Variants in CSGALNACT1 observed in about 807,000 individuals in gnomAD.
CSGALNACT1 encodes the protein beta4GalNAcT-1.
In CSGALNACT1, 52 loss-of-function variants were observed where a neutral mutation model predicts 51.0. That is an observed-to-expected ratio of 1.02 (90% confidence interval 0.82 to 1.29). The LOEUF (loss-of-function observed/expected upper bound fraction) is 1.29, where lower values mean the gene tolerates loss of function less well. CSGALNACT1 is among the 50% of genes most tolerant of loss of function. The probability of loss-of-function intolerance (pLI) is 0.00; values close to 1 mark genes in which losing one functional copy is unlikely to be tolerated. For synonymous variants in CSGALNACT1, 341 were observed against 254.4 expected (o/e 1.34, Z -3.24); for missense variants, 935 against 679.2 (o/e 1.38, Z -4.19).
chr8:19,610,798 G>A (rs1210160347), intron 1 of CSGALNACT1, among the ~76,000 whole-genome samples: 1 of 152,244 alleles, frequency 6.6e-6, no homozygotes, highest in South Asian at 2.1e-4. Context: ...ACCAAGGCAA[G>A]AAACCGGGAT....
At chr8:19,672,091 C>A (rs1312207677) in intron 1 of CSGALNACT1, among the ~76,000 whole-genome samples, 1 of 152,174 alleles carries the variant, frequency 6.6e-6, no homozygotes, top group East Asian at 1.9e-4. Context: ...TATACTTGAG[C>A]TGCATAGGGC....
chr8:19,737,240 A>C (rs1036092719), intron 1 of CSGALNACT1, among the ~76,000 whole-genome samples: 6 of 152,154 alleles, frequency 3.9e-5, no homozygotes, highest in Non-Finnish European at 5.9e-5. Flanking sequence ...AGAACTTCTA[A>C]ATAATGTATT....
intron 6 of CSGALNACT1, among the ~76,000 whole-genome samples, chr8:19,433,908 T>G (rs963572903): frequency 6.6e-6 from 1 of 152,226 alleles, no homozygotes; most frequent in African/African-American, 2.4e-5. Flanking sequence ...TTTAAATATC[T>G]CCAACCCCAT....
intron 1 of CSGALNACT1, among the ~76,000 whole-genome samples, chr8:19,733,140 G>C (rs1358128827): frequency 3.3e-5 from 5 of 152,166 alleles, no homozygotes; most frequent in African/African-American, 1.2e-4. Flanking sequence ...AGAACAATCA[G>C]TATCAATGTA....
At chr8:19,707,396 G>C (rs2062233452) in intron 1 of CSGALNACT1, among the ~76,000 whole-genome samples, 3 of 152,274 alleles carry the variant, frequency 2.0e-5, no homozygotes, top group Admixed American at 2.0e-4. Flanking sequence ...GAATAGAACT[G>C]CATGTAAATA....
chr8:19,497,357 C>A (rs2075673262), intron 4 of CSGALNACT1, among the ~76,000 whole-genome samples: 1 of 152,078 alleles, frequency 6.6e-6, no homozygotes, highest in South Asian at 2.1e-4. Context: ...AACCTCTACC[C>A]CAAACACAAG....
At chr8:19,667,576 A>C (rs1473945403) in intron 1 of CSGALNACT1, among the ~76,000 whole-genome samples, 6 of 152,230 alleles carry the variant, frequency 3.9e-5, no homozygotes, top group Non-Finnish European at 8.8e-5. Context: ...CTTTGAACCA[A>C]GGCTGATGAA....
intron 3 of CSGALNACT1, among the ~76,000 whole-genome samples, chr8:19,517,590 G>C (rs1194726484): frequency 1.3e-5 from 2 of 152,150 alleles, no homozygotes; most frequent in African/African-American, 4.8e-5. Context: ...AAGAAAAAGA[G>C]GCTTAATGGA....
chr8:19,636,245 A>T (rs2056048137), intron 1 of CSGALNACT1, among the ~76,000 whole-genome samples: 1 of 152,210 alleles, frequency 6.6e-6, no homozygotes, highest in African/African-American at 2.4e-5. Context: ...GTATATTGTT[A>T]TAACTATTCC....
chr8:19,522,198 T>C (rs532550385), intron 3 of CSGALNACT1, among the ~76,000 whole-genome samples: 6 of 152,120 alleles, frequency 3.9e-5, no homozygotes, highest in Non-Finnish European at 5.9e-5. Flanking sequence ...ACCGTATTAG[T>C]GAGAGAAATG....
intron 6 of CSGALNACT1, among the ~76,000 whole-genome samples, chr8:19,431,905 T>C (rs895579206): frequency 2.0e-5 from 3 of 152,146 alleles, no homozygotes; most frequent in African/African-American, 7.2e-5. Context: ...TGTGCTGTTA[T>C]TGTATTAATA....
chr8:19,566,716 G>A (rs2041972352), intron 3 of CSGALNACT1, among the ~76,000 whole-genome samples: 3 of 152,124 alleles, frequency 2.0e-5, no homozygotes, highest in Admixed American at 2.0e-4. Flanking sequence ...TGATGTCTCT[G>A]TAAGGGAGTT....
chr8:19,506,112 G>T lies in CSGALNACT1; in HGVS notation c.-278C>A, dbSNP rs767798685. ...CCCATCACAGCCTTCCTGATGTGCA[G>T]CCAACAGCAAGAGGGGACCTGGGAA... On this transcript the variant is annotated 5_prime_UTR_variant, in exon 4 of 10. It adds an upstream start codon to the 5' untranslated region. Coordinates refer to ENST00000454498, the Ensembl canonical transcript of CSGALNACT1. 9.5e-6 allele frequency: 6 copies of T among 631,150 alleles called. No individual in the cohort carries two copies. Among genetic ancestry groups the T allele is most frequent in the South Asian group, 9.1e-5 (6 of 66,072 alleles). The allele number at this position is 631,150 out of a possible 1,614,324, so 39.1% of individuals were successfully genotyped here.
At position 19,733,154 on chromosome 8, in the gene CSGALNACT1, A is replaced by G. The variant is rs141881937; in HGVS notation, c.-297+24696T>C. Among the ~76,000 whole-genome samples, 16 of 152,330 alleles carry G rather than the reference A, an allele frequency of 1.1e-4. No homozygotes were observed. The East Asian group carries it at 2.9e-3, about 28-fold the overall frequency. On this transcript the variant is annotated intron_variant, in intron 1 of 1. Transcript: ENST00000517494. Reference sequence around the variant, plus strand: ...AAGAACAATCAGTATCAATGTAACAAAATATTGTTTTCTGTTTCTTTTGTT... The same window carrying G: ...AAGAACAATCAGTATCAATGTAACAGAATATTGTTTTCTGTTTCTTTTGTT...
At chr8:19,590,273 G>A (rs2047522645) in intron 3 of CSGALNACT1, among the ~76,000 whole-genome samples, 1 of 152,202 alleles carries the variant, frequency 6.6e-6, no homozygotes, top group Non-Finnish European at 1.5e-5. Flanking sequence ...AGGCATCAAA[G>A]GGAATTCACA....
intron 5 of CSGALNACT1, among the ~76,000 whole-genome samples, chr8:19,448,767 C>T (rs1156934283): frequency 6.6e-6 from 1 of 152,168 alleles, no homozygotes; most frequent in Admixed American, 6.5e-5. Context: ...ATTTGCTACT[C>T]AAATGTTCAG....
At chr8:19,441,747 C>T (rs1337616800) in intron 5 of CSGALNACT1, among the ~76,000 whole-genome samples, 1 of 151,764 alleles carries the variant, frequency 6.6e-6, no homozygotes, top group African/African-American at 2.4e-5. Context: ...AGAGCTTCTG[C>T]ACAGCAAAAG....
intron 4 of CSGALNACT1, among the ~76,000 whole-genome samples, chr8:19,468,552 G>A (rs928855073): frequency 2.0e-5 from 3 of 152,080 alleles, no homozygotes; most frequent in Non-Finnish European, 4.4e-5. Flanking sequence ...GGCAGGGAAC[G>A]AGATCAGAGA....
chr8:19,639,243 G>C (rs1183406390), intron 1 of CSGALNACT1, among the ~76,000 whole-genome samples: 2 of 152,194 alleles, frequency 1.3e-5, no homozygotes, highest in East Asian at 3.9e-4. Context: ...CCAAATGGGA[G>C]AGGAGAAAGG....
Sources: gnomAD v4.1 joint callset for allele counts (sites outside exome capture counted in the v4.1 genomes callset) on GRCh38, gnomAD v4.1.1 for gene constraint, MANE v1.5 for transcripts, NCBI Gene and HGNC (gene_info 2026-07-23, HGNC 2026-07-21) for gene names.